SNAP91: variants seen among roughly 807,000 people sequenced by gnomAD.
The protein encoded by SNAP91 is clathrin coat assembly protein AP180.
Under a neutral mutation model 100.3 loss-of-function variants are expected in SNAP91, and 27 were observed. That is an observed-to-expected ratio of 0.27 (90% CI 0.20 to 0.37). SNAP91 has a LOEUF of 0.37. Ranked by LOEUF, SNAP91 falls within the 10% of genes least tolerant of loss-of-function variation. The probability of loss-of-function intolerance (pLI) is 1.00; values close to 1 mark genes in which losing one functional copy is unlikely to be tolerated. For missense variants in SNAP91, 986 were observed against 1,123.7 expected (o/e 0.88, Z 1.75); for synonymous variants, 404 against 398.6 (o/e 1.01, Z -0.16).
At chr6:83,671,032 C>CT (rs2098776391) in intron 2 of SNAP91, among the ~76,000 whole-genome samples, 1 of 151,866 alleles carries the variant, frequency 6.6e-6, no homozygotes, top group South Asian at 2.1e-4. Flanking sequence ...AGCTTATCAA[C>CT]TTTAACAGCA....
intron 20 of SNAP91, 150 bp from the exon 21 acceptor site, chr6:83,592,688 T>C (rs2093935318): frequency 4.2e-6 from 3 of 712,838 alleles, no homozygotes; most frequent in Admixed American, 5.6e-5. Context: ...GCAAACGGGT[T>C]TTAAAATACA....
At chr6:83,577,446 G>A (rs1397571941) in intron 24 of SNAP91, among the ~76,000 whole-genome samples, 2 of 152,038 alleles carry the variant, frequency 1.3e-5, no homozygotes, top group Non-Finnish European at 2.9e-5. Context: ...GCTAAACCAA[G>A]TATTTATGCC....
intron 25 of SNAP91, chr6:83,575,625 A>T (rs766188034): frequency 4.3e-5 from 9 of 210,572 alleles, no homozygotes; most frequent in Non-Finnish European, 6.5e-5. Flanking sequence ...TATACATCTA[A>T]AAAAGAATAT....
chr6:83,652,499 C>T (rs1203176510), intron 7 of SNAP91, among the ~76,000 whole-genome samples: 1 of 152,060 alleles, frequency 6.6e-6, no homozygotes, highest in African/African-American at 2.4e-5. Context: ...CATCTGAATT[C>T]CTCCCTACTA....
intron 2 of SNAP91, among the ~76,000 whole-genome samples, chr6:83,665,886 G>C (rs543405006): frequency 5.6e-4 from 85 of 152,134 alleles, no homozygotes; most frequent in African/African-American, 2.0e-3. Context: ...CTCCAGGAAG[G>C]CTAAGCCTCA....
chr6:83,553,278 A>G lies in SNAP91; in HGVS notation c.*1018T>C, dbSNP rs1335745145. 2.0e-5 allele frequency: 3 copies of G among 152,520 alleles called. No homozygotes were observed. The highest frequency in any genetic ancestry group is 2.0e-4 in the Admixed American group (3 of 15,260). 9.4% of individuals were successfully genotyped at this position (152,520 alleles called of 1,614,324 possible). ...GATACAATTCTCTGAATTAGTTTAA[A>G]TCCTAATCACAATGTTACAACAAAA... On this transcript the variant is annotated 3_prime_UTR_variant, in exon 30 of 30. Transcript: ENST00000369694.
intron 27 of SNAP91, among the ~76,000 whole-genome samples, chr6:83,560,500 T>A (rs1388188728): frequency 6.6e-6 from 1 of 152,064 alleles, no homozygotes; most frequent in Non-Finnish European, 1.5e-5. Context: ...AAGAGAAAAA[T>A]TTGTTTCTTT....
chr6:83,601,636 T>G, intron 14 of SNAP91, 37 bp from the exon 15 acceptor site: 1 of 1,607,606 alleles, frequency 6.2e-7, no homozygotes, highest in South Asian at 1.1e-5. Context: ...TAAGAATAAA[T>G]AAGAGCTAAA....
At position 83,553,688 on chromosome 6, in the gene SNAP91, C is replaced by T. The variant is rs1040213205; in HGVS notation, c.*608G>A. 6.6e-6 allele frequency: 1 copy of T among 151,986 alleles called. No homozygotes were observed. Among genetic ancestry groups the T allele is most frequent in the South Asian group, 2.1e-4 (1 of 4,818 alleles). 9.4% of individuals were successfully genotyped at this position (151,986 alleles called of 1,614,324 possible). A position where few individuals can be genotyped will look rare whatever the true frequency, so the allele number is the denominator to read the frequency against. On this transcript the variant is annotated 3_prime_UTR_variant, in exon 30 of 30. Transcript: ENST00000369694. ...TTCAAAGAGAAGTATTTATTATGGA[C>T]GTTAACCTTTATATTTTTTAAAATA...
At chr6:83,665,014 A>AT (rs938649855) in intron 3 of SNAP91, among the ~76,000 whole-genome samples, 4 of 152,100 alleles carry the variant, frequency 2.6e-5, no homozygotes, top group African/African-American at 7.2e-5. Context: ...TTTGATAATA[A>AT]TTTTTTAGCA....
chr6:83,649,297 T>C (rs1239175228), intron 7 of SNAP91, among the ~76,000 whole-genome samples: 1 of 152,170 alleles, frequency 6.6e-6, no homozygotes, highest in East Asian at 1.9e-4. Flanking sequence ...GGCCAAAGGT[T>C]CTGCTTGCAG....
Position 83,626,587 on chromosome 6 carries a change from G to A in SNAP91, c.766-3245C>T, listed in dbSNP as rs533625495. ...GAGATCTTTTATCTCCTTGGTTAGA[G>A]GTACTCCTAGGTTTTCAATTTTTTG... On this transcript the variant is annotated intron_variant, in intron 8 of 29. Coordinates refer to ENST00000369694, the MANE Select transcript of SNAP91 (RefSeq NM_001242792.2). Among the ~76,000 whole-genome samples, 52 of 151,998 alleles carry A rather than the reference G, an allele frequency of 3.4e-4. 1 individual carries two copies. In the South Asian group the frequency reaches 9.8e-3, roughly 29 times the overall value.
intron 11 of SNAP91, among the ~76,000 whole-genome samples, chr6:83,612,277 C>T (rs2096172820): frequency 6.6e-6 from 1 of 151,970 alleles, no homozygotes; most frequent in African/African-American, 2.4e-5. Context: ...ACTGAAATAT[C>T]TACAGTAAAT....
chr6:83,656,271 A>G (rs985202417), intron 7 of SNAP91, among the ~76,000 whole-genome samples: 2 of 152,206 alleles, frequency 1.3e-5, no homozygotes, highest in African/African-American at 4.8e-5. Flanking sequence ...ATATCCCACA[A>G]AAAGGCTCTT....
In SNAP91 at chr6:83,594,468, A is replaced by G; in HGVS notation, c.1338T>C (p.Ala446=). 1 of 1,522,652 alleles carries G rather than the reference A, an allele frequency of 6.6e-7. No individual in the cohort carries two copies. The highest frequency in any genetic ancestry group is 8.8e-7 in the Non-Finnish European group (1 of 1,138,184). 94.3% of individuals were successfully genotyped at this position (1,522,652 alleles called of 1,614,324 possible). A position where few individuals can be genotyped will look rare whatever the true frequency, so the allele number is the denominator to read the frequency against. Reference sequence around the variant, plus strand: ...ATGCTGCAGGGGCCTCCCCAGGAGAAGCTGCAAAGGCATCTTGGGTGCGGT... The same window carrying G: ...ATGCTGCAGGGGCCTCCCCAGGAGAGGCTGCAAAGGCATCTTGGGTGCGGT... ...EVDLFGDAFA[A]SPGEAPAASE... Residue 446 remains alanine (A), a synonymous_variant, in exon 17 of 30, where the codon GCT becomes GCC. Coordinates refer to ENST00000369694, the MANE Select transcript of SNAP91 (RefSeq NM_001242792.2).
At chr6:83,673,776 C>G (rs940646258) in intron 2 of SNAP91, among the ~76,000 whole-genome samples, 5 of 152,216 alleles carry the variant, frequency 3.3e-5, no homozygotes, top group African/African-American at 1.2e-4. Flanking sequence ...CTTCTCTGCC[C>G]ATCAGAAAGG....
At chr6:83,570,557 G>GT (rs1000821012) in intron 26 of SNAP91, among the ~76,000 whole-genome samples, 8 of 124,724 alleles carry the variant, frequency 6.4e-5, no homozygotes, top group Admixed American at 3.1e-4. Context: ...ACGGGGTGGC[G>GT]GGGGGGGAAG....
chr6:83,616,447 AT>A (rs1213357337), intron 10 of SNAP91, among the ~76,000 whole-genome samples: 3 of 152,214 alleles, frequency 2.0e-5, no homozygotes, highest in Non-Finnish European at 4.4e-5. Context: ...TGTACTTATC[AT>A]TGCTTGATTG....
rs1444516960 is a variant in SNAP91, at chr6:83,659,826, A to G, written c.453-734T>C. 2.0e-5 allele frequency among the ~76,000 whole-genome samples: 3 copies of G among 152,012 alleles called. No individual in the cohort carries two copies. The East Asian group carries it at 5.8e-4, about 29-fold the overall frequency. On this transcript the variant is annotated intron_variant, in intron 5 of 29. Transcript: ENST00000369694. ...AGTTTATAAAACCTGTATGACTTGGAGTACAAGGTTTATGCTATTAACCAT... is the reference window on the plus strand; with the variant it reads ...AGTTTATAAAACCTGTATGACTTGGGGTACAAGGTTTATGCTATTAACCAT...
Sources: allele counts gnomAD v4.1 joint callset (sites outside exome capture counted in the v4.1 genomes callset), GRCh38; gene constraint gnomAD v4.1.1; transcripts MANE v1.5; gene names NCBI Gene and HGNC (gene_info 2026-07-23, HGNC 2026-07-21).